ARHGAP44: variants seen among roughly 807,000 people sequenced by gnomAD.
The protein encoded by ARHGAP44 is Rho GTPase activating protein 44.
In ARHGAP44, 43 loss-of-function variants were observed where a neutral mutation model predicts 106.8. The ratio of observed to expected loss-of-function variants is 0.40; its 90% CI spans 0.32 to 0.52. The LOEUF (loss-of-function observed/expected upper bound fraction) is 0.52. Ranked by LOEUF, ARHGAP44 falls within the 20% of genes least tolerant of loss-of-function variation. ARHGAP44 has a pLI of 0.48. For synonymous variants in ARHGAP44, 439 were observed against 410.3 expected, an observed-to-expected ratio of 1.07 and a Z score of -0.85; for missense variants, 866 against 1,050.5, an observed-to-expected ratio of 0.82 and a Z score of 2.43.
intron 16 of ARHGAP44, among the ~76,000 whole-genome samples, chr17:12,970,367 A>G (rs1202639251): frequency 1.0e-5 from 1 of 97,348 alleles, no homozygotes; most frequent in Non-Finnish European, 1.9e-5. Context: ...CCCTGTCTCA[A>G]AAAAAAAAAA....
chr17:12,934,337 G>T (rs967331251), intron 7 of ARHGAP44, among the ~76,000 whole-genome samples: 19 of 152,094 alleles, frequency 1.2e-4, no homozygotes, highest in African/African-American at 3.9e-4. Context: ...AGCTCATTTT[G>T]TCCTCCCCAC....
At chr17:12,894,831 A>G in intron 1 of ARHGAP44, 109 bp from the exon 2 acceptor site, 1 of 966,712 alleles carries the variant, frequency 1.0e-6, no homozygotes, top group East Asian at 2.7e-5. Context: ...TGTTTCTACT[A>G]CTCATGTCTC....
At chr17:12,903,114 GA>G (rs1176745875) in intron 3 of ARHGAP44, among the ~76,000 whole-genome samples, 5,688 of 75,440 alleles carry the variant, frequency 0.075, 145 homozygotes, top group East Asian at 0.23. Context: ...GAGAGAGAGA[GA>G]GAGAGAGAGA....
intron 16 of ARHGAP44, among the ~76,000 whole-genome samples, chr17:12,968,870 C>T (rs988629801): frequency 6.6e-6 from 1 of 151,554 alleles, no homozygotes; most frequent in Admixed American, 6.6e-5. Flanking sequence ...CCCGGGTTCA[C>T]GCCATTCTCC....
intron 17 of ARHGAP44, 101 bp from the exon 18 acceptor site, chr17:12,973,988 T>C: frequency 8.0e-7 from 1 of 1,256,730 alleles, no homozygotes. Flanking sequence ...AAAGCTGCGC[T>C]GCTCTTCTCC....
rs7502636 is a variant in ARHGAP44 at position 12,975,820 on chromosome 17, A to G, written c.1763+1510A>G. ...CAAAAAAAAAAAAAAAAAAAAAAGA[A>G]AAAAAGACATGATTGCTGCCCTTAA... On this transcript the variant is annotated intron_variant, in intron 18 of 20. Transcript: ENST00000379672. Among the ~76,000 whole-genome samples, 252 of 134,892 alleles carry G rather than the reference A, an allele frequency of 1.9e-3. 2 individuals carry two copies. Among genetic ancestry groups the G allele is most frequent in the African/African-American group, 6.5e-3 (238 of 36,640 alleles). The allele number at this position is 134,892 out of a possible 152,430, so 88.5% of individuals were successfully genotyped here.
intron 6 of ARHGAP44, among the ~76,000 whole-genome samples, chr17:12,928,058 A>G (rs2150965032): frequency 6.6e-6 from 1 of 152,258 alleles, no homozygotes; most frequent in East Asian, 1.9e-4. Flanking sequence ...AATTATGCCT[A>G]CTTTTGGTAA....
chr17:12,835,695 G>A (rs1478520847), intron 1 of ARHGAP44, among the ~76,000 whole-genome samples: 1 of 152,136 alleles, frequency 6.6e-6, no homozygotes. Flanking sequence ...TAAGTGTACA[G>A]TTCAATCTTG....
rs193206126 is a variant in ARHGAP44 at position 12,896,814 on chromosome 17, A to G, written c.198+303A>G. Among the ~76,000 whole-genome samples, 582 of 152,286 alleles carry G rather than the reference A, an allele frequency of 3.8e-3. 3 individuals are homozygous for G. The highest frequency in any genetic ancestry group is 6.1e-3 in the Non-Finnish European group (413 of 68,018). On this transcript the variant is annotated intron_variant, in intron 3 of 20. Transcript: ENST00000379672. ...GGGGCGTGCTTGAGATCCCACCTCT[A>G]GGGAAGCTTTATCCTTGATCGATAT...
In ARHGAP44 at chr17:12,990,021, C is replaced by G; in HGVS notation, c.2318-11C>G. 1 of 1,594,598 alleles carries G rather than the reference C, an allele frequency of 6.3e-7. No homozygotes were observed. The highest frequency in any genetic ancestry group is 2.3e-5 in the East Asian group (1 of 44,272). ...CTCCTTTCAACCACCTCTCTCTCTGCCGCCTTCCAGATCTTGTCCACTTTG... is the reference window on the plus strand; with the variant it reads ...CTCCTTTCAACCACCTCTCTCTCTGGCGCCTTCCAGATCTTGTCCACTTTG... On this transcript the variant is annotated splice_polypyrimidine_tract_variant and intron_variant, in intron 20 of 20. Transcript: ENST00000379672.
At chr17:12,952,413 C>G (rs1054994142) in intron 12 of ARHGAP44, 88 bp from the exon 13 acceptor site, 3 of 1,119,386 alleles carry the variant, frequency 2.7e-6, no homozygotes, top group Non-Finnish European at 3.9e-6. Flanking sequence ...TGGTTGGTAT[C>G]AAATATTACA....
rs201986436 is a variant in ARHGAP44 at position 12,956,685 on chromosome 17, G to T, written c.1281G>T (p.Ser427=). The T allele has an allele frequency of 8.1e-6, 13 of 1,614,136 alleles. No homozygotes were observed. The highest frequency in any genetic ancestry group is 1.1e-5 in the Non-Finnish European group (13 of 1,180,018). ...GNITEMMTTV[S]LQIVGIIEPI... ...TTACAGAGATGATGACCACAGTGTC[G>T]CTGCAAATTGTTGGGATCATTGAAC... Residue 427 remains serine, a synonymous_variant, in exon 15 of 21, where the codon TCG becomes TCT. Transcript: ENST00000379672.
intron 1 of ARHGAP44, among the ~76,000 whole-genome samples, chr17:12,818,335 G>GAAAAAAAAAA (rs376432420): frequency 1.2e-4 from 11 of 91,582 alleles, no homozygotes; most frequent in African/African-American, 3.3e-4. Flanking sequence ...ATCTGGAAAA[G>GAAAAAAAAAA]AAAAAAAAAA....
chr17:12,805,188 C>T (rs1338297501), intron 1 of ARHGAP44, among the ~76,000 whole-genome samples: 1 of 152,148 alleles, frequency 6.6e-6, no homozygotes, highest in African/African-American at 2.4e-5. Flanking sequence ...TTCCACAGCA[C>T]TCTGCTCATT....
chr17:12,871,443 G>C (rs1277327331), intron 1 of ARHGAP44, among the ~76,000 whole-genome samples: 1 of 152,150 alleles, frequency 6.6e-6, no homozygotes, highest in Non-Finnish European at 1.5e-5. Flanking sequence ...AGGAAGTGTG[G>C]CTGGGAAGGC....
chr17:12,981,828 T>A (rs1257967807), intron 19 of ARHGAP44, among the ~76,000 whole-genome samples: 2 of 151,270 alleles, frequency 1.3e-5, no homozygotes, highest in South Asian at 2.1e-4. Context: ...CTGGACAACG[T>A]GGTGAAACCC....
At chr17:12,873,930 C>CAAAT (rs1156326933) in intron 1 of ARHGAP44, among the ~76,000 whole-genome samples, 1 of 17,582 alleles carries the variant, frequency 5.7e-5, no homozygotes, top group Non-Finnish European at 8.4e-4. Flanking sequence ...AATAAATAAA[C>CAAAT]AAATAAATAA....
intron 5 of ARHGAP44, among the ~76,000 whole-genome samples, chr17:12,918,811 T>G (rs2037990385): frequency 6.6e-6 from 1 of 152,126 alleles, no homozygotes; most frequent in African/African-American, 2.4e-5. Context: ...AGGGATGTGG[T>G]TGAGCCCTGG....
chr17:12,958,940 G>A lies in ARHGAP44; in HGVS notation c.1523+43G>A, dbSNP rs201462792. ...TTTCTCAGCACTGGGGATTAGGGGA[G>A]GTGGTGGGGGTGGATGGGTGACGCA... On this transcript the variant is annotated intron_variant, in intron 16 of 20. Transcript: ENST00000379672. The surrounding 1 kb of genome is among the most constrained non-coding windows in gnomAD (Gnocchi z 4.1). 106 of 1,568,058 alleles carry A rather than the reference G, an allele frequency of 6.8e-5. No homozygotes were observed. Among genetic ancestry groups the A allele is most frequent in the Non-Finnish European group, 8.8e-5 (102 of 1,154,642 alleles).
Sources: allele counts gnomAD v4.1 joint callset (sites outside exome capture counted in the v4.1 genomes callset), GRCh38; gene constraint gnomAD v4.1.1; non-coding constraint Gnocchi (gnomAD v3.1); transcripts MANE v1.5; gene names NCBI Gene and HGNC (gene_info 2026-07-23, HGNC 2026-07-21).